FBN1: variants seen among roughly 807,000 people sequenced by gnomAD.
FBN1 encodes fibrillin-1.
FBN1 carries 29 observed loss-of-function variants against 365.1 expected under a neutral mutation model. The observed-to-expected ratio is 0.08, with a 90% CI of 0.06 to 0.11. FBN1 has a LOEUF of 0.11. Among genes scored for constraint, FBN1 ranks in the 10% least tolerant of loss-of-function variants. The pLI is 1.00. For missense variants in FBN1, 2,476 were observed against 3,703.2 expected (o/e 0.67, Z 8.60); for synonymous variants, 1,210 against 1,270.5 (o/e 0.95, Z 1.01).
rs749253325 is a variant in FBN1 at position 48,513,575 on chromosome 15, C to T, written c.1562G>A (p.Ser521Asn). 8.7e-6 allele frequency: 14 copies of T among 1,614,004 alleles called. No homozygotes were observed. The highest frequency in any genetic ancestry group is 1.3e-5 in the African/African-American group (1 of 75,016). Reference sequence around the variant, plus strand: ...TCGGCATTCTGTCCGCGTGAGTGTGCTCTGATATCCAGCTCGGCACTGACA... The same window carrying T: ...TCGGCATTCTGTCCGCGTGAGTGTGTTCTGATATCCAGCTCGGCACTGACA... ...YTCQCRAGYQ[S>N]TLTRTECRDI... is the part of the protein sequence containing the mutation. The change falls in exon 13 of 66, where the codon AGC becomes AAC. Residue 521 changes from serine to asparagine, a missense_variant. Coordinates refer to ENST00000316623, the MANE Select transcript of FBN1 (RefSeq NM_000138.5).
At chr15:48,591,548 T>C (rs1166110680) in intron 6 of FBN1, among the ~76,000 whole-genome samples, 2 of 152,238 alleles carry the variant, frequency 1.3e-5, no homozygotes, top group East Asian at 3.8e-4. Context: ...CAAGAGCAGA[T>C]TCGTACGTTG....
chr15:48,452,664 C>T lies in FBN1; in HGVS notation c.5443G>A (p.Gly1815Ser), dbSNP rs745680336. 17 of 1,613,996 alleles carry T rather than the reference C, an allele frequency of 1.1e-5. No individual in the cohort carries two copies. Among genetic ancestry groups the T allele is most frequent in the South Asian group, 2.2e-5 (2 of 91,076 alleles). The part of the protein sequence containing the change: ...VCEDIDECQN[G>S]PVCQRNAECI... ...TCGGCGTTGCGCTGGCACACTGGGCCGTTCTGACACTCGTCAATATCTACG... is the reference window on the plus strand; with the variant it reads ...TCGGCGTTGCGCTGGCACACTGGGCTGTTCTGACACTCGTCAATATCTACG... Residue 1815 changes from glycine to serine, a missense_variant, in exon 45 of 66, where the codon GGC (glycine) becomes AGC (serine). Transcript: ENST00000316623.
At chr15:48,434,852 C>T in intron 53 of FBN1, 139 bp from the exon 54 acceptor site, 2 of 1,012,646 alleles carry the variant, frequency 2.0e-6, no homozygotes, top group Non-Finnish European at 3.0e-6. Context: ...GACTGCAGTG[C>T]TGTGGCGCGA....
At chr15:48,453,321 G>A (rs1171413178) in intron 44 of FBN1, among the ~76,000 whole-genome samples, 14 of 133,536 alleles carry the variant, frequency 1.0e-4, no homozygotes, top group South Asian at 2.5e-4. Context: ...CAAAAAAAAA[G>A]GAAAAAAAAA....
chr15:48,437,442 C>A, intron 51 of FBN1, 55 bp from the exon 52 acceptor site: 1 of 1,454,764 alleles, frequency 6.9e-7, no homozygotes, highest in Non-Finnish European at 9.7e-7. Flanking sequence ...TTACAAGCTT[C>A]TCCACAAGTA....
chr15:48,472,757 A>C, intron 34 of FBN1, 81 bp from the exon 35 acceptor site: 1 of 1,599,558 alleles, frequency 6.3e-7, no homozygotes, highest in Non-Finnish European at 8.6e-7. Flanking sequence ...TTTCCAGTGC[A>C]GCAATGTTTT....
At chr15:48,478,543 A>AT (rs1237279740) in intron 32 of FBN1, among the ~76,000 whole-genome samples, 2 of 151,268 alleles carry the variant, frequency 1.3e-5, no homozygotes, top group Non-Finnish European at 2.9e-5. Flanking sequence ...AGCTTGTGAA[A>AT]GCCAGGACCA....
At chr15:48,583,987 C>A (rs986722293) in intron 6 of FBN1, among the ~76,000 whole-genome samples, 2 of 152,068 alleles carry the variant, frequency 1.3e-5, no homozygotes, top group African/African-American at 4.8e-5. Context: ...AACAAAACTT[C>A]TAAGTGGAAA....
At chr15:48,437,607 A>G (rs1291057068) in intron 51 of FBN1, 161 bp downstream of exon 51, 1 of 886,160 alleles carries the variant, frequency 1.1e-6, no homozygotes, top group African/African-American at 1.7e-5. Flanking sequence ...AAAGAAAATA[A>G]CTACCAAGCT....
chr15:48,425,061 T>G (rs2042968679), intron 60 of FBN1, among the ~76,000 whole-genome samples: 1 of 151,756 alleles, frequency 6.6e-6, no homozygotes, highest in Admixed American at 6.6e-5. Context: ...AGAGAGGAGG[T>G]CACCAATTAA....
chr15:48,525,994 T>C (rs1472691576), intron 9 of FBN1, 136 bp downstream of exon 9: 3 of 1,185,830 alleles, frequency 2.5e-6, no homozygotes, highest in Non-Finnish European at 3.7e-6. Flanking sequence ...CAGTCAACTG[T>C]TTAACATTTT....
intron 8 of FBN1, among the ~76,000 whole-genome samples, chr15:48,530,339 G>A (rs150388385): frequency 1.3e-3 from 197 of 151,812 alleles, no homozygotes; most frequent in Non-Finnish European, 1.3e-3. Context: ...TGCTGCATCC[G>A]CCGCCCGATC....
At chr15:48,501,984 C>A (rs2043662963) in intron 17 of FBN1, among the ~76,000 whole-genome samples, 1 of 152,012 alleles carries the variant, frequency 6.6e-6, no homozygotes, top group Non-Finnish European at 1.5e-5. Context: ...CGGGTGAAGT[C>A]ATTAGCCAGA....
intron 17 of FBN1, among the ~76,000 whole-genome samples, chr15:48,501,064 T>C (rs1483947648): frequency 6.6e-6 from 1 of 152,180 alleles, no homozygotes; most frequent in African/African-American, 2.4e-5. Context: ...GTGGACCCTT[T>C]TTTGGGTAAA....
chr15:48,520,032 G>A (rs937194437), intron 10 of FBN1, among the ~76,000 whole-genome samples: 1 of 152,080 alleles, frequency 6.6e-6, no homozygotes. Context: ...TTTGAAATAG[G>A]CTCAATTAGT....
At chr15:48,429,181 T>C (rs2043006751) in intron 56 of FBN1, among the ~76,000 whole-genome samples, 1 of 152,094 alleles carries the variant, frequency 6.6e-6, no homozygotes, top group Non-Finnish European at 1.5e-5. Context: ...TTATTTCAAG[T>C]GAAGGAGGGA....
chr15:48,644,975 A>G (rs866246074), intron 1 of FBN1, 25 bp from the exon 2 acceptor site: 2 of 383,482 alleles, frequency 5.2e-6, no homozygotes. Context: ...CAAATCCCCG[A>G]GGCGGGGAGA....
chr15:48,630,731 CAAAAAAAAA>C (rs11393587), intron 2 of FBN1, among the ~76,000 whole-genome samples: 2 of 111,100 alleles, frequency 1.8e-5, no homozygotes, highest in Non-Finnish European at 3.6e-5. Context: ...GACTCCATCT[CAAAAAAAAA>C]AAAAAAAAAA....
intron 32 of FBN1, 96 bp from the exon 33 acceptor site, chr15:48,474,746 T>C: frequency 6.6e-7 from 1 of 1,512,034 alleles, no homozygotes; most frequent in Non-Finnish European, 9.1e-7. Flanking sequence ...GCCTTCAAAC[T>C]TCCCATGGTA....
Sources: allele counts gnomAD v4.1 joint callset (sites outside exome capture counted in the v4.1 genomes callset), GRCh38; gene constraint gnomAD v4.1.1; transcripts MANE v1.5; gene names NCBI Gene and HGNC (gene_info 2026-07-23, HGNC 2026-07-21).